The following NUDT14 variants were observed in gnomAD, a reference collection of about 807,000 sequenced individuals.
NUDT14 encodes the protein nudix hydrolase 14, also known as uridine diphosphate glucose pyrophosphatase NUDT14.
A neutral mutation model predicts 17.5 loss-of-function variants in NUDT14; 22 were observed. The observed-to-expected ratio is 1.26, with a 90% CI of 0.90 to 1.80. The LOEUF (loss-of-function observed/expected upper bound fraction) is 1.80, where lower values mean the gene tolerates loss of function less well. NUDT14 is among the 40% of genes most tolerant of loss of function. The probability of loss-of-function intolerance (pLI) is 0.00; values close to 1 mark genes in which losing one functional copy is unlikely to be tolerated. For missense variants in NUDT14, 296 were observed against 295.6 expected, an observed-to-expected ratio of 1.00 and a Z score of -0.01; for synonymous variants, 129 against 125.8, an observed-to-expected ratio of 1.03 and a Z score of -0.17.
Position 105,176,620 on chromosome 14 carries a change from C to A in NUDT14, c.342G>T (p.Ser114=). ...CCTCCTTGCAAGCCACTTCCTCCAG[C>A]GAGAGCCCAGGCTGGTCCACGAGGC... ...CAGLVDQPGL[S]LEEVACKEAW... The change falls in exon 4 of 5, where the codon TCG becomes TCT. Residue 114 remains serine (S), a synonymous_variant. Transcript: ENST00000392568. 1 of 1,612,752 alleles carries A rather than the reference C, an allele frequency of 6.2e-7. No individual in the cohort carries two copies. Among genetic ancestry groups the A allele is most frequent in the East Asian group, 2.2e-5 (1 of 44,870 alleles).
At chr14:105,176,851 C>G (rs758142376) in intron 3 of NUDT14, 80 bp from the exon 4 acceptor site, 335 of 1,558,790 alleles carry the variant, frequency 2.1e-4, no homozygotes, top group Non-Finnish European at 2.8e-4. Flanking sequence ...AGCCCCCTCC[C>G]AGGGCCTCAG....
Position 105,173,938 on chromosome 14 carries a change from C to T in NUDT14, c.429-677G>A, listed in dbSNP as rs1187301043. 1.3e-5 allele frequency among the ~76,000 whole-genome samples: 2 copies of T among 152,070 alleles called. No homozygotes were observed. Among genetic ancestry groups the T allele is most frequent in the Non-Finnish European group, 2.9e-5 (2 of 68,026 alleles). ...CCCATGCCAGACCCCAGCCCATACCCGGGGACACAGGCTGGCTGGGAAGCA... is the reference window on the plus strand; with the variant it reads ...CCCATGCCAGACCCCAGCCCATACCTGGGGACACAGGCTGGCTGGGAAGCA... On this transcript the variant is annotated intron_variant, in intron 4 of 4. Coordinates refer to ENST00000392568, the MANE Select transcript of NUDT14 (RefSeq NM_177533.5). The surrounding 1 kb of genome is among the most constrained non-coding windows in gnomAD (Gnocchi z 4.7).
chr14:105,176,984 A>C lies in NUDT14; in HGVS notation c.169T>G (p.Leu57Val), dbSNP rs1458709379. The change falls in exon 3 of 5, where the codon TTG becomes GTG. Residue 57 changes from leucine to valine, a missense_variant. Leu to Val is a conservative substitution (Grantham distance 32). Transcript: ENST00000392568. ...LFNSSRRSLV[L>V]VKQFRPAVYA... The stretch of plus-strand genomic sequence containing the variant: ...TCACCTGGCCGGAACTGCTTCACCA[A>C]CACCAGGCTCCTCCGAGAAGAGTTG... 1.2e-6 allele frequency: 2 copies of C among 1,611,978 alleles called. No individual in the cohort carries two copies. The highest frequency in any genetic ancestry group is 2.2e-5 in the South Asian group (2 of 90,942).
intron 4 of NUDT14, among the ~76,000 whole-genome samples, chr14:105,175,113 G>A (rs988668358): frequency 7.2e-5 from 11 of 152,210 alleles, no homozygotes; most frequent in African/African-American, 2.7e-4. Context: ...TGGCCCAGAG[G>A]CTGTACCAGT....
chr14:105,181,153 C>T lies in NUDT14; in HGVS notation c.57G>A (p.Arg19=), dbSNP rs1889319589. 1.7e-6 allele frequency: 2 copies of T among 1,158,078 alleles called. No homozygotes were observed. The highest frequency in any genetic ancestry group is 4.3e-5 in the Admixed American group (1 of 23,208). The allele number at this position is 1,158,078 out of a possible 1,614,324, so 71.7% of individuals were successfully genotyped here. A position where few individuals can be genotyped will look rare whatever the true frequency, so the allele number is the denominator to read the frequency against. ...CCTGGCGGTAATGCAGCGTGAGCGG[C>T]CGCAGGTAGGGTGAGGCGGCGCAGC... ...VGRCAASPYL[R]PLTLHYRQNG... Residue 19 remains arginine (R), a synonymous_variant, in exon 1 of 5, where the codon CGG becomes CGA. Transcript: ENST00000392568. The surrounding 1 kb of genome is among the most constrained non-coding windows in gnomAD (Gnocchi z 5.0).
chr14:105,173,092 T>TG lies in NUDT14; in HGVS notation c.597dup (p.Lys200GlnfsTer46). 6.3e-7 allele frequency: 1 copy of TG among 1,580,510 alleles called. No homozygotes were observed. Among genetic ancestry groups the TG allele is most frequent in the South Asian group, 1.2e-5 (1 of 85,878 alleles). On this transcript the variant is annotated frameshift_variant, in exon 5 of 5. Transcript: ENST00000392568. LOFTEE classifies it high-confidence loss of function. This position sits in a 1 kb window ranked among gnomAD's most constrained non-coding sequence, Gnocchi z 4.7. ...ACACCAAAGATGACGCCGAGGGTCT[T>TG]GGGGATGTCCGGGTCGTCTGCAAAG...
chr14:105,176,317 G>C (rs961862197), intron 4 of NUDT14: 30 of 600,638 alleles, frequency 5.0e-5, no homozygotes, highest in Non-Finnish European at 2.4e-5. Flanking sequence ...GGGGCCGCAG[G>C]CTGGGGGCAT....
intron 2 of NUDT14, 132 bp from the exon 3 acceptor site, chr14:105,177,159 C>T (rs768853479): frequency 6.2e-6 from 5 of 812,168 alleles, no homozygotes; most frequent in Non-Finnish European, 1.0e-5. Flanking sequence ...AGGCCCCTTG[C>T]TCAGATAGGA....
intron 2 of NUDT14, chr14:105,177,387 C>T (rs111917076): frequency 2.2e-5 from 12 of 547,316 alleles, no homozygotes; most frequent in African/African-American, 9.4e-5. Flanking sequence ...CGAGCCACGT[C>T]GCCATCCAGC....
chr14:105,180,845 G>A (rs1889310059), intron 1 of NUDT14, among the ~76,000 whole-genome samples: 1 of 152,222 alleles, frequency 6.6e-6, no homozygotes, highest in Non-Finnish European at 1.5e-5. Flanking sequence ...CTGCCAAGAG[G>A]GTCGGATTGG....
At chr14:105,178,936 G>A (rs1430184226) in intron 1 of NUDT14, among the ~76,000 whole-genome samples, 2 of 152,118 alleles carry the variant, frequency 1.3e-5, no homozygotes, top group Non-Finnish European at 2.9e-5. Context: ...CAGGCAGCCC[G>A]AGAGGCCGTG....
At chr14:105,176,013 C>A (rs1821261687) in intron 4 of NUDT14, 1 of 1,262,020 alleles carries the variant, frequency 7.9e-7, no homozygotes, top group South Asian at 1.3e-5. Flanking sequence ...GGCTTCATAC[C>A]AACATCTAGT....
At chr14:105,177,584 A>T in intron 2 of NUDT14, 108 bp downstream of exon 2, 1 of 1,026,272 alleles carries the variant, frequency 9.7e-7, no homozygotes. Flanking sequence ...GAGCCCACGC[A>T]GGGAACAGCA....
At chr14:105,175,705 T>C (rs1262257426) in intron 4 of NUDT14, 6 of 999,028 alleles carry the variant, frequency 6.0e-6, no homozygotes, top group Non-Finnish European at 7.2e-6. Flanking sequence ...TGGCCCAGCG[T>C]GGAAATGCTG....
rs1228748134 is a variant in NUDT14 at position 105,173,311 on chromosome 14, C to T, written c.429-50G>A. Reference sequence around the variant, plus strand: ...GAGTCACCCACGCTGGCCCCGCTGGCCCCCTGGCCCTTCTACCACCCTCCA... The same window carrying T: ...GAGTCACCCACGCTGGCCCCGCTGGTCCCCTGGCCCTTCTACCACCCTCCA... On this transcript the variant is annotated intron_variant, in intron 4 of 4. Transcript: ENST00000392568. This position sits in a 1 kb window ranked among gnomAD's most constrained non-coding sequence, Gnocchi z 4.7. The T allele has an allele frequency of 6.9e-7, 1 of 1,449,174 alleles. No individual in the cohort carries two copies. The highest frequency in any genetic ancestry group is 2.6e-5 in the East Asian group (1 of 38,348). The allele number at this position is 1,449,174 out of a possible 1,614,324, so 89.8% of individuals were successfully genotyped here.
chr14:105,180,605 A>G (rs1195099774), intron 1 of NUDT14, among the ~76,000 whole-genome samples: 1 of 152,124 alleles, frequency 6.6e-6, no homozygotes, highest in Non-Finnish European at 1.5e-5. Flanking sequence ...GCTTAGGCAG[A>G]TGGAGACTCC....
intron 2 of NUDT14, chr14:105,177,326 CT>C: frequency 1.7e-6 from 1 of 573,884 alleles, no homozygotes. Flanking sequence ...GGCCGGGTGA[CT>C]GACAGGACGT....
chr14:105,176,028 G>A, intron 4 of NUDT14: 2 of 1,234,190 alleles, frequency 1.6e-6, no homozygotes, highest in Non-Finnish European at 2.1e-6. Context: ...TCTAGTCCTG[G>A]GAAGGCAACC....
rs750899752 is a variant in NUDT14 at position 105,176,773 on chromosome 14, T to C, written c.191-2A>G. ...GCTCCACCTCACCCGCATACACAGC[T>C]GCGTGGGAAGAAGCCAGACTGTGCT... On this transcript the variant is annotated splice_acceptor_variant, in intron 3 of 4. Coordinates refer to ENST00000392568, the MANE Select transcript of NUDT14 (RefSeq NM_177533.5). LOFTEE classifies it high-confidence loss of function. The C allele has an allele frequency of 1.2e-6, 2 of 1,611,502 alleles. No homozygotes were observed. Among genetic ancestry groups the C allele is most frequent in the Admixed American group, 3.3e-5 (2 of 60,010 alleles).
Sources: gnomAD v4.1 joint callset for allele counts (sites outside exome capture counted in the v4.1 genomes callset) on GRCh38, gnomAD v4.1.1 for gene constraint, Gnocchi (gnomAD v3.1) non-coding constraint, MANE v1.5 for transcripts, NCBI Gene and HGNC (gene_info 2026-07-23, HGNC 2026-07-21) for gene names.